DAB1: variants seen among roughly 807,000 people sequenced by gnomAD.
DAB1 encodes DAB adaptor protein 1.
Under a neutral mutation model 64.6 loss-of-function variants are expected in DAB1, and 15 were observed. The ratio of observed to expected loss-of-function variants is 0.23; its 90% CI spans 0.16 to 0.36. The LOEUF is 0.36. DAB1 is among the 10% of genes least tolerant of loss of function. The pLI is 1.00. For missense variants in DAB1, 596 were observed against 706.7 expected (o/e 0.84, Z 1.78); for synonymous variants, 235 against 251.9 (o/e 0.93, Z 0.64).
chr1:58,468,537 T>C (rs1645320109), intron 3 of DAB1: 1 of 152,294 alleles, frequency 6.6e-6, no homozygotes, highest in Admixed American at 6.5e-5. Context: ...CTTCAGGAAG[T>C]AGACACCAAG....
At chr1:57,357,949 C>T (rs1450341998) in intron 1 of DAB1, among the ~76,000 whole-genome samples, 2 of 151,966 alleles carry the variant, frequency 1.3e-5, no homozygotes, top group Admixed American at 6.6e-5. Flanking sequence ...GAGACACAGG[C>T]AAACCGTATT....
chr1:57,662,358 G>A (rs1158037097), intron 6 of DAB1, among the ~76,000 whole-genome samples: 3 of 152,018 alleles, frequency 2.0e-5, no homozygotes, highest in East Asian at 1.9e-4. Context: ...CACCACGCCC[G>A]GCTAATTTTG....
At chr1:58,542,973 CA>C (rs1646644436) in intron 1 of DAB1, among the ~76,000 whole-genome samples, 1 of 114,382 alleles carries the variant, frequency 8.7e-6, no homozygotes, top group African/African-American at 2.9e-5. Context: ...GCAAGAACTA[CA>C]AACAAAAAGC....
intron 10 of DAB1, among the ~76,000 whole-genome samples, chr1:57,024,448 G>C (rs573778932): frequency 6.6e-6 from 1 of 152,254 alleles, no homozygotes; most frequent in East Asian, 1.9e-4. Context: ...GTTCGATGCT[G>C]TAATATCCTT....
chr1:58,260,368 G>A (rs1163260078), intron 4 of DAB1, among the ~76,000 whole-genome samples: 1 of 152,156 alleles, frequency 6.6e-6, no homozygotes, highest in Non-Finnish European at 1.5e-5. Flanking sequence ...CCTGTTTCTT[G>A]AAGGTGATCC....
At chr1:57,325,631 A>G (rs1676090712) in intron 1 of DAB1, among the ~76,000 whole-genome samples, 1 of 152,220 alleles carries the variant, frequency 6.6e-6, no homozygotes, top group Admixed American at 6.5e-5. Flanking sequence ...TGAAGGATGC[A>G]GACTGTGTCT....
intron 4 of DAB1, among the ~76,000 whole-genome samples, chr1:58,174,950 A>G (rs566017789): frequency 1.3e-5 from 2 of 152,308 alleles, no homozygotes; most frequent in African/African-American, 2.4e-5. Flanking sequence ...TAGCTAAAGG[A>G]CTGTAAACGC....
chr1:57,347,687 C>T (rs1678230081), intron 1 of DAB1, among the ~76,000 whole-genome samples: 1 of 152,118 alleles, frequency 6.6e-6, no homozygotes, highest in South Asian at 2.1e-4. Flanking sequence ...TTTAAATGCC[C>T]ATCCTAAATT....
At chr1:57,527,470 C>A (rs1644606613) in intron 7 of DAB1, among the ~76,000 whole-genome samples, 1 of 152,120 alleles carries the variant, frequency 6.6e-6, no homozygotes, top group Non-Finnish European at 1.5e-5. Context: ...TTTAGATAAG[C>A]CAAATCACTT....
chr1:58,424,068 G>T (rs139250273), intron 3 of DAB1, among the ~76,000 whole-genome samples: 8 of 152,306 alleles, frequency 5.3e-5, no homozygotes, highest in Non-Finnish European at 1.0e-4. Context: ...GACCAGAAGA[G>T]GTCTTCTGTC....
At chr1:58,521,470 T>C (rs1173018597) in intron 2 of DAB1, among the ~76,000 whole-genome samples, 1 of 150,954 alleles carries the variant, frequency 6.6e-6, no homozygotes, top group Non-Finnish European at 1.5e-5. Flanking sequence ...AATTATATAA[T>C]AGAGACAATA....
rs112391457 is a variant in DAB1 at position 58,309,125 on chromosome 1, A to G, written n.309+34227T>C. Among the ~76,000 whole-genome samples the G allele has an allele frequency of 6.8e-3, 1,035 of 152,270 alleles. 16 individuals are homozygous for G. Among genetic ancestry groups the G allele is most frequent in the African/African-American group, 0.022 (917 of 41,568 alleles). On this transcript the variant is annotated intron_variant and non_coding_transcript_variant, in intron 4 of 20. Transcript: ENST00000485760. Reference sequence around the variant, plus strand: ...TGTTTTTCTTAGCTATAAAATGCGGATGATATTGTTTCTTTGTGAAGTATT... The same window carrying G: ...TGTTTTTCTTAGCTATAAAATGCGGGTGATATTGTTTCTTTGTGAAGTATT...
intron 1 of DAB1, among the ~76,000 whole-genome samples, chr1:57,841,118 G>A (rs952041831): frequency 1.3e-5 from 2 of 152,172 alleles, no homozygotes; most frequent in African/African-American, 4.8e-5. Context: ...TGGGCTACAG[G>A]CCCCATGCAA....
chr1:58,312,389 G>A (rs1229678809), intron 4 of DAB1, among the ~76,000 whole-genome samples: 3 of 152,218 alleles, frequency 2.0e-5, no homozygotes, highest in African/African-American at 7.2e-5. Flanking sequence ...ATACTAGGAT[G>A]TGGCAATGAA....
chr1:58,317,906 C>G, intron 4 of DAB1, among the ~76,000 whole-genome samples: 1 of 152,208 alleles, frequency 6.6e-6, no homozygotes, highest in African/African-American at 2.4e-5. Flanking sequence ...ATCTGTATAT[C>G]TCTCTAGACA....
intron 4 of DAB1, among the ~76,000 whole-genome samples, chr1:57,124,195 C>G (rs1048161012): frequency 6.6e-6 from 1 of 152,130 alleles, no homozygotes; most frequent in African/African-American, 2.4e-5. Context: ...ATAAGACATT[C>G]CTTTTATTAT....
chr1:57,391,033 ATAGAAGC>A (rs1271898790), intron 1 of DAB1, among the ~76,000 whole-genome samples: 1 of 152,166 alleles, frequency 6.6e-6, no homozygotes, highest in Non-Finnish European at 1.5e-5. Flanking sequence ...CTGTAGCTGA[ATAGAAGC>A]TTAATTAATA....
chr1:58,527,794 CTCTT>C (rs1173531765), intron 1 of DAB1, among the ~76,000 whole-genome samples: 2 of 152,206 alleles, frequency 1.3e-5, no homozygotes, highest in African/African-American at 4.8e-5. Flanking sequence ...TAGCAGAATG[CTCTT>C]TCTTTGATAA....
chr1:58,317,542 G>C (rs1439797180), intron 4 of DAB1, among the ~76,000 whole-genome samples: 1 of 152,242 alleles, frequency 6.6e-6, no homozygotes, highest in African/African-American at 2.4e-5. Flanking sequence ...AGAAATGTGG[G>C]CAACCTCTAA....
Sources: allele counts gnomAD v4.1 joint callset (sites outside exome capture counted in the v4.1 genomes callset), GRCh38; gene constraint gnomAD v4.1.1; transcripts MANE v1.5; gene names NCBI Gene and HGNC (gene_info 2026-07-23, HGNC 2026-07-21).